BBOX1: variants seen among roughly 807,000 people sequenced by gnomAD.
BBOX1 encodes gamma-butyrobetaine dioxygenase.
In BBOX1, 35 loss-of-function variants were observed where a neutral mutation model predicts 41.6. That is an observed-to-expected ratio of 0.84 (90% confidence interval 0.64 to 1.11). The LOEUF (loss-of-function observed/expected upper bound fraction) is 1.11. Ranked by LOEUF, BBOX1 falls within the 50% of genes most tolerant of loss-of-function variation. BBOX1 has a pLI of 0.00. For missense variants in BBOX1, 458 were observed against 460.6 expected, an observed-to-expected ratio of 0.99 and a Z score of 0.05; for synonymous variants, 163 against 154.7, an observed-to-expected ratio of 1.05 and a Z score of -0.40.
intron 3 of BBOX1, among the ~76,000 whole-genome samples, chr11:27,055,986 C>T (rs764462666): frequency 2.2e-4 from 33 of 152,278 alleles, no homozygotes; most frequent in Non-Finnish European, 3.7e-4. Flanking sequence ...TTCCATGTTT[C>T]TCTCTTCCAA....
intron 4 of BBOX1, among the ~76,000 whole-genome samples, chr11:27,087,098 T>C (rs1858070654): frequency 6.6e-6 from 1 of 152,074 alleles, no homozygotes; most frequent in Non-Finnish European, 1.5e-5. Context: ...GAAGATGATG[T>C]GGACATTGTT....
chr11:27,065,306 A>G (rs141768044), intron 4 of BBOX1, among the ~76,000 whole-genome samples: 1 of 152,338 alleles, frequency 6.6e-6, no homozygotes, highest in East Asian at 1.9e-4. Flanking sequence ...ATGCATGTCA[A>G]TTTATGAATG....
In BBOX1 at chr11:27,055,454, A is replaced by G. The variant is rs1856947910; in HGVS notation, c.24A>G (p.Ala8=). Residue 8 remains alanine, a synonymous_variant, in exon 3 of 9, where the codon GCA becomes GCG. Coordinates refer to ENST00000263182, the MANE Select transcript of BBOX1 (RefSeq NM_003986.3). The stretch of plus-strand genomic sequence containing the variant: ...ACATGGCTTGTACCATCCAAAAGGC[A>G]GAAGCACTTGACGGGGCTCATTTGA... The part of the protein sequence containing the change: MACTIQK[A]EALDGAHLMQ... 2 of 1,613,938 alleles carry G rather than the reference A, an allele frequency of 1.2e-6. No individual in the cohort carries two copies. The highest frequency in any genetic ancestry group is 1.7e-6 in the Non-Finnish European group (2 of 1,180,046).
intron 5 of BBOX1, among the ~76,000 whole-genome samples, chr11:27,094,493 CTGACT>C (rs1473612437): frequency 6.6e-6 from 1 of 151,922 alleles, no homozygotes; most frequent in Non-Finnish European, 1.5e-5. Context: ...ACATGTGGAC[CTGACT>C]TTTCTTGAAA....
chr11:27,077,921 G>A (rs1305930685), intron 4 of BBOX1, among the ~76,000 whole-genome samples: 1 of 151,862 alleles, frequency 6.6e-6, no homozygotes, highest in Non-Finnish European at 1.5e-5. Context: ...CAATTCTAAG[G>A]GCAATCCCCC....
At chr11:27,098,585 T>A (rs775994940) in intron 5 of BBOX1, among the ~76,000 whole-genome samples, 1 of 152,108 alleles carries the variant, frequency 6.6e-6, no homozygotes, top group African/African-American at 2.4e-5. Context: ...AATGCATGGC[T>A]TTATCATACT....
chr11:27,112,951 T>C (rs971198299), intron 5 of BBOX1, among the ~76,000 whole-genome samples: 2 of 151,768 alleles, frequency 1.3e-5, no homozygotes, highest in Admixed American at 1.3e-4. Flanking sequence ...AACATAAATT[T>C]ACAAGCAAAA....
At chr11:27,100,978 G>A (rs1304458980) in intron 5 of BBOX1, among the ~76,000 whole-genome samples, 2 of 151,872 alleles carry the variant, frequency 1.3e-5, no homozygotes, top group African/African-American at 2.4e-5. Context: ...ACTAAGTATT[G>A]AGCTCAGCAG....
At chr11:27,053,699 A>C (rs1856885040) in intron 2 of BBOX1, among the ~76,000 whole-genome samples, 2 of 152,180 alleles carry the variant, frequency 1.3e-5, no homozygotes, top group Non-Finnish European at 2.9e-5. Flanking sequence ...TGTCCTACCC[A>C]TTCCACAGAG....
In BBOX1 at chr11:27,057,261, A is replaced by T; in HGVS notation, c.280A>T (p.Arg94Ter). Reference sequence around the variant, plus strand: ...ATTCCAGGCTGATTGGCTGAAGAAAAGATGCTTTTCCAAGCAGGCCAGAGC... The same window carrying T: ...ATTCCAGGCTGATTGGCTGAAGAAATGATGCTTTTCCAAGCAGGCCAGAGC... ...SEFQADWLKK[R>*]CFSKQARAKL... The change falls in exon 4 of 9, where the codon AGA (arginine) becomes TGA (stop). Residue 94 changes from arginine to a stop codon, truncating the protein, a stop_gained. Coordinates refer to ENST00000263182, the MANE Select transcript of BBOX1 (RefSeq NM_003986.3). LOFTEE classifies it high-confidence loss of function. 6.2e-7 allele frequency: 1 copy of T among 1,612,250 alleles called. No homozygotes were observed. Among genetic ancestry groups the T allele is most frequent in the Non-Finnish European group, 8.5e-7 (1 of 1,179,566 alleles).
In BBOX1 at chr11:27,094,033, T is replaced by C. The variant is rs181581211; in HGVS notation, c.533+667T>C. Among the ~76,000 whole-genome samples, 196 of 152,098 alleles carry C rather than the reference T, an allele frequency of 1.3e-3. 1 individual carries two copies. The highest frequency in any genetic ancestry group is 4.5e-3 in the African/African-American group (189 of 41,552). On this transcript the variant is annotated intron_variant, in intron 5 of 8. Coordinates refer to ENST00000263182, the MANE Select transcript of BBOX1 (RefSeq NM_003986.3). ...CATTAAACTTTTACCTCCCAAGAGT[T>C]GGCTGAAAATAAAGTTGGGCCCTGA...
intron 4 of BBOX1, among the ~76,000 whole-genome samples, chr11:27,090,092 T>C (rs548406714): frequency 1.3e-3 from 194 of 152,124 alleles, no homozygotes; most frequent in African/African-American, 4.5e-3. Context: ...CCGTTTTCTT[T>C]TGGAAATAGT....
At chr11:27,095,876 G>A (rs887355257) in intron 5 of BBOX1, among the ~76,000 whole-genome samples, 14 of 152,066 alleles carry the variant, frequency 9.2e-5, no homozygotes, top group East Asian at 3.9e-4. Context: ...TCTGGGTAAC[G>A]TAGATTTAAA....
chr11:27,075,412 G>T (rs1199701088), intron 4 of BBOX1, among the ~76,000 whole-genome samples: 2 of 152,140 alleles, frequency 1.3e-5, no homozygotes, highest in Non-Finnish European at 2.9e-5. Flanking sequence ...CCCAGTAGGA[G>T]AGGTATCCCT....
chr11:27,057,420 A>G (rs1047571025), intron 4 of BBOX1, 105 bp downstream of exon 4: 2 of 841,200 alleles, frequency 2.4e-6, no homozygotes, highest in African/African-American at 3.5e-5. Context: ...TTTGATTAAA[A>G]TATGTGACAT....
chr11:27,064,617 G>A (rs1712803181), intron 4 of BBOX1, among the ~76,000 whole-genome samples: 1 of 152,146 alleles, frequency 6.6e-6, no homozygotes, highest in South Asian at 2.1e-4. Context: ...TGGTTTTACA[G>A]TAAAAAAGGA....
intron 3 of BBOX1, 62 bp from the exon 4 acceptor site, chr11:27,057,137 CAG>C (rs1857010108): frequency 1.1e-6 from 1 of 904,532 alleles, no homozygotes; most frequent in South Asian, 2.0e-5. Flanking sequence ...CATTCAAAAA[CAG>C]AGCAATAGTG....
At chr11:27,125,579 A>T in intron 7 of BBOX1, 75 bp from the exon 8 acceptor site, 1 of 1,218,140 alleles carries the variant, frequency 8.2e-7, no homozygotes, top group Non-Finnish European at 1.1e-6. Flanking sequence ...AATATATTTG[A>T]AGAGGAATTG....
At chr11:27,080,543 G>A (rs1857799920) in intron 4 of BBOX1, among the ~76,000 whole-genome samples, 1 of 152,022 alleles carries the variant, frequency 6.6e-6, no homozygotes, top group Non-Finnish European at 1.5e-5. Context: ...CAAAATAAGA[G>A]AAAAATCCTG....
Sources: gnomAD v4.1 joint callset for allele counts (sites outside exome capture counted in the v4.1 genomes callset) on GRCh38, gnomAD v4.1.1 for gene constraint, MANE v1.5 for transcripts, NCBI Gene and HGNC (gene_info 2026-07-23, HGNC 2026-07-21) for gene names.